The following HEXD variants were observed in gnomAD, a reference collection of about 807,000 sequenced individuals.
HEXD encodes N-acetyl-beta-galactosaminidase.
Under a neutral mutation model 54.2 loss-of-function variants are expected in HEXD, and 47 were observed. That is an observed-to-expected ratio of 0.87 (90% CI 0.69 to 1.11). HEXD has a LOEUF of 1.11. Ranked by LOEUF, HEXD falls within the 50% of genes least tolerant of loss-of-function variation. The pLI is 0.00. For missense variants in HEXD, 576 were observed against 649.2 expected (o/e 0.89, Z 1.23); for synonymous variants, 293 against 287.6 (o/e 1.02, Z -0.19).
At position 82,441,404 on chromosome 17, in the gene HEXD, C is replaced by T. The variant is rs539421839; in HGVS notation, c.1163+138C>T. 1.9e-4 allele frequency: 146 copies of T among 750,004 alleles called. No individual in the cohort carries two copies. The African/African-American group carries it at 2.6e-3, about 13-fold the overall frequency. 46.5% of individuals were successfully genotyped at this position (750,004 alleles called of 1,614,324 possible). On this transcript the variant is annotated intron_variant, in intron 11 of 12. Coordinates refer to ENST00000327949, the MANE Select transcript of HEXD (RefSeq NM_001330542.2). The stretch of plus-strand genomic sequence containing the variant: ...TGAGCGGGCAGGCATGGGGCAGGTG[C>T]GGGTGAGGGGCAGGTGTGGGTGGGA...
rs2143561951 is a variant in HEXD, at chr17:82,434,592, CT to C, written c.447+773del. Among the ~76,000 whole-genome samples the C allele has an allele frequency of 6.6e-6, 1 of 152,194 alleles. No homozygotes were observed. Among genetic ancestry groups the C allele is most frequent in the East Asian group, 1.9e-4 (1 of 5,182 alleles). ...GTGGCTCACGCCTGTAATCCCAGCA[CT>C]TTGGGAGACCAAAGTGGGTGGATCA... On this transcript the variant is annotated intron_variant, in intron 5 of 12. Transcript: ENST00000327949. The surrounding 1 kb of genome is among the most constrained non-coding windows in gnomAD (Gnocchi z 4.5).
intron 2 of HEXD, chr17:82,420,183 G>A (rs1331876861): frequency 4.5e-6 from 1 of 222,862 alleles, no homozygotes; most frequent in African/African-American, 2.3e-5. Flanking sequence ...TAACCCCTGG[G>A]ACCTGTGAAT....
In HEXD at chr17:82,435,749, A is replaced by G. The variant is rs767055141; in HGVS notation, c.508A>G (p.Thr170Ala). The G allele has an allele frequency of 4.0e-5, 64 of 1,612,890 alleles. No homozygotes were observed. The highest frequency in any genetic ancestry group is 5.3e-5 in the Non-Finnish European group (63 of 1,179,906). Residue 170 changes from threonine to alanine, a missense_variant, in exon 6 of 13, where the codon ACG (threonine) becomes GCG (alanine). Thr to Ala is a moderately conservative substitution (Grantham distance 58). Coordinates refer to ENST00000327949, the MANE Select transcript of HEXD (RefSeq NM_001330542.2). ...RRWLQQEQNS[T>A]GKLCLSHMRA... ...GTGGCTACAGCAAGAGCAGAACAGC[A>G]CGGGGAAGTTGTGCCTGTCACACAT...
At chr17:82,436,583 C>A in intron 6 of HEXD, 84 bp from the exon 7 acceptor site, 2 of 1,170,674 alleles carry the variant, frequency 1.7e-6, no homozygotes, top group South Asian at 1.4e-5. Flanking sequence ...CTCACACTTT[C>A]AAGCAAAACG....
In HEXD at chr17:82,435,698, C is replaced by T; in HGVS notation, c.457C>T (p.Leu153Phe). ...TGCTCCTTCCTTGCAGGTCTATTAC[C>T]TCGGAGAGGGGGAGGCCTCGCGCCG... is the stretch of plus-strand genomic sequence containing the variant. The part of the protein sequence containing the change: ...LHIGCDEVYY[L>F]GEGEASRRWL... The change falls in exon 6 of 13, where the codon CTC (leucine) becomes TTC (phenylalanine). Residue 153 changes from leucine to phenylalanine, a missense_variant. Physicochemically the swap from Leu to Phe is conservative, Grantham distance 22. Transcript: ENST00000327949. 1.2e-6 allele frequency: 2 copies of T among 1,611,942 alleles called. No homozygotes were observed. The highest frequency in any genetic ancestry group is 1.3e-5 in the African/African-American group (1 of 75,050).
In HEXD at chr17:82,435,764, C is replaced by T; in HGVS notation, c.523C>T (p.Leu175=). ...QEQNSTGKLC[L]SHMRAVASGV... ...GCAGAACAGCACGGGGAAGTTGTGC[C>T]TGTCACACATGCGGGCGGTGGCCAG... The change falls in exon 6 of 13, where the codon CTG becomes TTG. Residue 175 remains leucine, a synonymous_variant. Coordinates refer to ENST00000327949, the MANE Select transcript of HEXD (RefSeq NM_001330542.2). 1 of 1,612,996 alleles carries T rather than the reference C, an allele frequency of 6.2e-7. No homozygotes were observed. Among genetic ancestry groups the T allele is most frequent in the African/African-American group, 1.3e-5 (1 of 75,048 alleles).
At position 82,419,874 on chromosome 17, in the gene HEXD, C is replaced by A; in HGVS notation, c.75C>A (p.Tyr25Ter). Residue 25 changes from tyrosine to a stop codon, truncating the protein, a stop_gained, in exon 2 of 13, where the codon TAC (tyrosine) becomes TAA (stop). Transcript: ENST00000327949. LOFTEE classifies it high-confidence loss of function. ...AAGGAGCTCCACCAAAGGTCTCGTA[C>A]CTCTCAGAGGTAAGGACTCCCTTTT... ...DLKGAPPKVS[Y>*]LSEIFPLFRA... is the part of the protein sequence containing the mutation. The A allele has an allele frequency of 6.2e-7, 1 of 1,605,370 alleles. No individual in the cohort carries two copies. The highest frequency in any genetic ancestry group is 8.5e-7 in the Non-Finnish European group (1 of 1,172,310).
At chr17:82,440,863 CGGGG>C in intron 9 of HEXD, 130 bp from the exon 10 acceptor site, 1 of 968,540 alleles carries the variant, frequency 1.0e-6, no homozygotes, top group South Asian at 1.4e-5. Context: ...CCGGCACACG[CGGGG>C]CTGGGCCTGG....
At position 82,418,572 on chromosome 17, in the gene HEXD, C is replaced by G. The variant is rs1331099427; in HGVS notation, c.-220C>G. On this transcript the variant is annotated 5_prime_UTR_variant, in exon 1 of 13. Coordinates refer to ENST00000327949, the MANE Select transcript of HEXD (RefSeq NM_001330542.2). ...AACAGGGAGCGCGAGGCAGGCACGG[C>G]GCAGGGACGCGAGTGCGACGCGCTC... The G allele has an allele frequency of 9.2e-6, 6 of 654,346 alleles. No individual in the cohort carries two copies. Among genetic ancestry groups the G allele is most frequent in the Non-Finnish European group, 1.3e-5 (6 of 466,934 alleles). 40.5% of individuals were successfully genotyped at this position (654,346 alleles called of 1,614,324 possible).
intron 4 of HEXD, among the ~76,000 whole-genome samples, chr17:82,433,077 GAAA>G (rs71168108): frequency 0.023 from 184 of 7,832 alleles, 5 homozygotes; most frequent in South Asian, 0.03. Flanking sequence ...AAAAAAAAAA[GAAA>G]AAAAAAAAAA....
chr17:82,438,724 A>G lies in HEXD; in HGVS notation c.900-907A>G, dbSNP rs2053843714. Among the ~76,000 whole-genome samples the G allele has an allele frequency of 2.6e-5, 4 of 152,370 alleles. No homozygotes were observed. The South Asian group carries it at 8.3e-4, about 32-fold the overall frequency. On this transcript the variant is annotated intron_variant, in intron 8 of 12. Transcript: ENST00000327949. ...CAAAGCTCAGATTGAGATGGAGTCA[A>G]GAATTTCATGGTGGGGACCGCAGAG...
intron 2 of HEXD, 131 bp from the exon 3 acceptor site, chr17:82,424,262 TC>T: frequency 1.5e-6 from 1 of 680,878 alleles, no homozygotes; most frequent in Non-Finnish European, 2.7e-6. Flanking sequence ...GATTTAAGGT[TC>T]CCAGGAGAAA....
At position 82,418,760 on chromosome 17, in the gene HEXD, C is replaced by T. The variant is rs1317022098; in HGVS notation, c.-52+20C>T. 6.5e-6 allele frequency: 1 copy of T among 153,212 alleles called. No homozygotes were observed. The highest frequency in any genetic ancestry group is 1.5e-5 in the Non-Finnish European group (1 of 68,880). The allele number at this position is 153,212 out of a possible 1,614,324, so 9.5% of individuals were successfully genotyped here. A position where few individuals can be genotyped will look rare whatever the true frequency, so the allele number is the denominator to read the frequency against. On this transcript the variant is annotated intron_variant, in intron 1 of 12. Transcript: ENST00000327949. Reference sequence around the variant, plus strand: ...GCGCAGGTGAGGTGCGGGTGCGGCTCTGGCTCTGCGCGCTAGGCCGGGCGG... The same window carrying T: ...GCGCAGGTGAGGTGCGGGTGCGGCTTTGGCTCTGCGCGCTAGGCCGGGCGG...
chr17:82,435,628 C>T lies in HEXD; in HGVS notation c.448-61C>T, dbSNP rs571942129. The stretch of plus-strand genomic sequence containing the variant: ...CTCCGTCAGGGCACGGCGTGAACCC[C>T]GGACCCTCCCACCGGTGTGCACGGC... On this transcript the variant is annotated intron_variant, in intron 5 of 12. Transcript: ENST00000327949. 1.0e-4 allele frequency: 158 copies of T among 1,539,530 alleles called. 1 individual carries two copies. In the East Asian group the frequency reaches 1.9e-3, roughly 19 times the overall value.
chr17:82,439,678 C>T lies in HEXD; in HGVS notation c.947C>T (p.Pro316Leu), dbSNP rs766327763. Residue 316 changes from proline (P) to leucine (L), a missense_variant, in exon 9 of 13, where the codon CCG becomes CTG. Pro to Leu is a moderately conservative substitution (Grantham distance 98, BLOSUM62 -3). Coordinates refer to ENST00000327949, the MANE Select transcript of HEXD (RefSeq NM_001330542.2). ...VLCELLPAGV[P>L]SLAACLQLLL... ...TGCGAGCTGCTGCCCGCAGGAGTCC[C>T]GTCCCTGGCCGCCTGCCTGCAGTTG... The T allele has an allele frequency of 1.1e-5, 18 of 1,598,472 alleles. No individual in the cohort carries two copies. The highest frequency in any genetic ancestry group is 3.3e-5 in the South Asian group (3 of 90,748).
chr17:82,433,077 G>GAAA (rs71168108), intron 4 of HEXD, among the ~76,000 whole-genome samples: 161 of 7,820 alleles, frequency 0.021, 25 homozygotes, highest in African/African-American at 0.025. Flanking sequence ...AAAAAAAAAA[G>GAAA]AAAAAAAAAA....
chr17:82,428,147 G>A (rs74330751), intron 3 of HEXD: 5,296 of 158,758 alleles, frequency 0.033, 327 homozygotes, highest in African/African-American at 0.12. Flanking sequence ...ACCAGGCCTG[G>A]CTAATTTTTG....
At chr17:82,436,827 C>T (rs552040912) in intron 7 of HEXD, 89 bp downstream of exon 7, 1 of 1,263,496 alleles carries the variant, frequency 7.9e-7, no homozygotes, top group African/African-American at 1.5e-5. Context: ...CCGGAACTGC[C>T]CAGCCTGGAG....
rs1012273028 is a variant in HEXD, at chr17:82,418,369, T to C, written c.-423T>C. Reference sequence around the variant, plus strand: ...CCCAGTCCCGCCCACTCCATGGCCCTGTCCGCCGCCGCAGCGCGCGCCCTT... The same window carrying C: ...CCCAGTCCCGCCCACTCCATGGCCCCGTCCGCCGCCGCAGCGCGCGCCCTT... On this transcript the variant is annotated 5_prime_UTR_variant, in exon 1 of 13. Transcript: ENST00000327949. 2.4e-6 allele frequency: 3 copies of C among 1,251,666 alleles called. No homozygotes were observed. The highest frequency in any genetic ancestry group is 2.6e-5 in the Admixed American group (1 of 39,190). 77.5% of individuals were successfully genotyped at this position (1,251,666 alleles called of 1,614,324 possible).
Sources: gnomAD v4.1 joint callset for allele counts (sites outside exome capture counted in the v4.1 genomes callset) on GRCh38, gnomAD v4.1.1 for gene constraint, Gnocchi (gnomAD v3.1) non-coding constraint, MANE v1.5 for transcripts, NCBI Gene and HGNC (gene_info 2026-07-23, HGNC 2026-07-21) for gene names.